RALYL: variants seen among roughly 807,000 people sequenced by gnomAD.
RALYL encodes the protein RNA-binding Raly-like protein.
In RALYL, 29 loss-of-function variants were observed where a neutral mutation model predicts 35.1. The ratio of observed to expected loss-of-function variants is 0.83; its 90% CI spans 0.61 to 1.13. RALYL has a LOEUF of 1.13. RALYL is among the 50% of genes most tolerant of loss of function. RALYL has a pLI of 0.00. For synonymous variants in RALYL, 120 were observed against 127.6 expected (o/e 0.94, Z 0.40); for missense variants, 359 against 360.4 (o/e 1.00, Z 0.03).
At chr8:84,621,124 C>T (rs982863793) in intron 2 of RALYL, among the ~76,000 whole-genome samples, 7 of 152,076 alleles carry the variant, frequency 4.6e-5, no homozygotes, top group Non-Finnish European at 8.8e-5. Flanking sequence ...CCACCCAGTT[C>T]GAGCTTCCTG....
At chr8:84,710,658 A>G (rs1184381769) in intron 2 of RALYL, among the ~76,000 whole-genome samples, 1 of 152,086 alleles carries the variant, frequency 6.6e-6, no homozygotes, top group Non-Finnish European at 1.5e-5. Context: ...TATATATAGA[A>G]AATTATCTAT....
chr8:84,623,057 T>C lies in RALYL; in HGVS notation c.256+93480T>C, dbSNP rs533771119. On this transcript the variant is annotated intron_variant, in intron 2 of 8. Coordinates refer to ENST00000521268, the MANE Select transcript of RALYL (RefSeq NM_173848.7). ...GACTGAAAGCCAGTTCTGATTATAA[T>C]AGACACAATTCTCAATGCTAAGTTC... Among the ~76,000 whole-genome samples, 23 of 152,312 alleles carry C rather than the reference T, an allele frequency of 1.5e-4. No individual in the cohort carries two copies. In the South Asian group the frequency reaches 4.6e-3, roughly 30 times the overall value.
intron 1 of RALYL, among the ~76,000 whole-genome samples, chr8:84,309,660 A>T (rs564121315): frequency 6.6e-6 from 1 of 152,338 alleles, no homozygotes; most frequent in Non-Finnish European, 1.5e-5. Flanking sequence ...CATATAATTT[A>T]TGGAAACATG....
intron 1 of RALYL, among the ~76,000 whole-genome samples, chr8:84,297,434 A>G (rs1377621774): frequency 1.3e-5 from 2 of 151,986 alleles, no homozygotes; most frequent in African/African-American, 4.8e-5. Context: ...TATGTACCAC[A>G]TTTTCTTTAT....
chr8:84,344,563 T>C (rs921389019), intron 1 of RALYL, among the ~76,000 whole-genome samples: 1 of 152,082 alleles, frequency 6.6e-6, no homozygotes, highest in Non-Finnish European at 1.5e-5. Flanking sequence ...TTGTAATTTA[T>C]TGTGACTAAT....
At chr8:84,246,783 TGGA>T (rs1829182684) in intron 1 of RALYL, among the ~76,000 whole-genome samples, 2 of 152,006 alleles carry the variant, frequency 1.3e-5, no homozygotes, top group South Asian at 4.2e-4. Flanking sequence ...TACCTGGATG[TGGA>T]GGAGGAGAGA....
In RALYL at chr8:84,721,144, G is replaced by A. The variant is rs564191575; in HGVS notation, c.257-53435G>A. Among the ~76,000 whole-genome samples, 46 of 151,910 alleles carry A rather than the reference G, an allele frequency of 3.0e-4. 1 individual carries two copies. The highest frequency in any genetic ancestry group is 4.6e-4 in the Admixed American group (7 of 15,218). ...GCATTTCAGGAGGCTGAGGCAGGAG[G>A]ATAGCTTGAGGCCAGGAGTTCAAGG... is the stretch of plus-strand genomic sequence containing the variant. On this transcript the variant is annotated intron_variant, in intron 2 of 8. Transcript: ENST00000521268.
At chr8:84,281,005 G>A (rs1303783516) in intron 1 of RALYL, among the ~76,000 whole-genome samples, 1 of 152,138 alleles carries the variant, frequency 6.6e-6, no homozygotes, top group African/African-American at 2.4e-5. Context: ...GGGAGGAGGT[G>A]CATTATCACC....
At chr8:84,478,690 T>G (rs1564004378) in intron 1 of RALYL, among the ~76,000 whole-genome samples, 2 of 152,008 alleles carry the variant, frequency 1.3e-5, no homozygotes, top group Non-Finnish European at 2.9e-5. Context: ...TCTTTTCATC[T>G]TGTTTGCCTC....
intron 1 of RALYL, among the ~76,000 whole-genome samples, chr8:84,409,978 A>G (rs1355202987): frequency 6.6e-6 from 1 of 151,976 alleles, no homozygotes; most frequent in Non-Finnish European, 1.5e-5. Flanking sequence ...TGGCCCAGCC[A>G]CAGAATCTTA....
chr8:84,841,969 T>G (rs1201654808), intron 4 of RALYL, among the ~76,000 whole-genome samples: 1 of 152,112 alleles, frequency 6.6e-6, no homozygotes, highest in African/African-American at 2.4e-5. Context: ...TTCAAAGCAG[T>G]GTGTAGAGGG....
intron 1 of RALYL, among the ~76,000 whole-genome samples, chr8:84,271,269 G>A (rs971999441): frequency 1.3e-5 from 2 of 151,688 alleles, no homozygotes; most frequent in Admixed American, 1.3e-4. Flanking sequence ...ATATACAAAT[G>A]GCAAACAAGC....
intron 2 of RALYL, among the ~76,000 whole-genome samples, chr8:84,674,861 A>C (rs1833899348): frequency 1.3e-5 from 2 of 152,250 alleles, no homozygotes; most frequent in Non-Finnish European, 2.9e-5. Context: ...TATATTTTTG[A>C]AACCAAATTG....
chr8:84,726,992 TA>T (rs1354282439), intron 2 of RALYL, among the ~76,000 whole-genome samples: 1 of 151,972 alleles, frequency 6.6e-6, no homozygotes, highest in Admixed American at 6.6e-5. Flanking sequence ...AGACTATCAA[TA>T]AATGGAAGTG....
chr8:84,796,409 G>C (rs1821913524), intron 3 of RALYL, among the ~76,000 whole-genome samples: 1 of 152,052 alleles, frequency 6.6e-6, no homozygotes. Flanking sequence ...TTCACCTACA[G>C]TTATCCATGA....
At chr8:84,241,177 A>G (rs961281064) in intron 1 of RALYL, among the ~76,000 whole-genome samples, 3 of 152,116 alleles carry the variant, frequency 2.0e-5, no homozygotes, top group African/African-American at 7.2e-5. Context: ...CCTCCCCTCC[A>G]TATATTTCTC....
intron 1 of RALYL, among the ~76,000 whole-genome samples, chr8:84,196,639 A>G (rs536636498): frequency 4.0e-4 from 61 of 152,226 alleles, no homozygotes; most frequent in Non-Finnish European, 7.6e-4. Flanking sequence ...GCTATCACAT[A>G]GAACAGTGCA....
intron 2 of RALYL, among the ~76,000 whole-genome samples, chr8:84,608,132 GC>G (rs1359257193): frequency 1.3e-5 from 2 of 151,904 alleles, no homozygotes; most frequent in Non-Finnish European, 2.9e-5. Context: ...CAATATTCAG[GC>G]CCCCCGAATT....
chr8:84,268,656 A>G (rs889610684), intron 1 of RALYL, among the ~76,000 whole-genome samples: 1 of 152,216 alleles, frequency 6.6e-6, no homozygotes, highest in Non-Finnish European at 1.5e-5. Context: ...TTGGAGGTAC[A>G]AATGGAGACA....
Sources: gnomAD v4.1 joint callset for allele counts (sites outside exome capture counted in the v4.1 genomes callset) on GRCh38, gnomAD v4.1.1 for gene constraint, MANE v1.5 for transcripts, NCBI Gene and HGNC (gene_info 2026-07-23, HGNC 2026-07-21) for gene names.